The following RAG1 variants were observed in gnomAD, a reference collection of about 807,000 sequenced individuals.
RAG1 encodes V(D)J recombination-activating protein 1.
In RAG1, 35 loss-of-function variants were observed where a neutral mutation model predicts 62.7. The ratio of observed to expected loss-of-function variants is 0.56; its 90% CI spans 0.43 to 0.74. The LOEUF (loss-of-function observed/expected upper bound fraction) is 0.74. Ranked by LOEUF, RAG1 falls within the 30% of genes least tolerant of loss-of-function variation. The pLI is 0.00. For missense variants in RAG1, 1,169 were observed against 1,278.6 expected (o/e 0.91, Z 1.31); for synonymous variants, 461 against 470.3 (o/e 0.98, Z 0.26).
At chr11:36,557,386 G>A (rs1426993668) in intron 3 of RAG1, among the ~76,000 whole-genome samples, 10 of 131,960 alleles carry the variant, frequency 7.6e-5, no homozygotes, top group African/African-American at 1.9e-4. Flanking sequence ...AGGTGCGTCC[G>A]TCACCCCTTT....
In RAG1 at chr11:36,573,788, G is replaced by A. The variant is rs1159713387; in HGVS notation, c.484G>A (p.Asp162Asn). The A allele has an allele frequency of 1.5e-5, 25 of 1,614,068 alleles. No individual in the cohort carries two copies. The highest frequency in any genetic ancestry group is 2.2e-5 in the East Asian group (1 of 44,864). The change falls in exon 2 of 2, where the codon GAT becomes AAT. Residue 162 changes from aspartate to asparagine, a missense_variant. Physicochemically the swap from Asp to Asn is conservative, Grantham distance 23. Coordinates refer to ENST00000299440, the MANE Select transcript of RAG1 (RefSeq NM_000448.3). ...CCTCATTGCCAAGGTTTTCCGGATCGATGTGAAGGCAGATGTTGACTCGAT... is the reference window on the plus strand; with the variant it reads ...CCTCATTGCCAAGGTTTTCCGGATCAATGTGAAGGCAGATGTTGACTCGAT... ...PDLIAKVFRI[D>N]VKADVDSIHP...
chr11:36,512,590 T>G (rs1220437476), intron 1 of RAG1, among the ~76,000 whole-genome samples: 1 of 152,200 alleles, frequency 6.6e-6, no homozygotes, highest in Non-Finnish European at 1.5e-5. Context: ...ATGAAATCTA[T>G]CCTGTCTTCT....
At chr11:36,566,215 T>G (rs1402511852), upstream of RAG1, among the ~76,000 whole-genome samples, 1 of 152,128 alleles carries the variant, frequency 6.6e-6, no homozygotes, top group African/African-American at 2.4e-5. Flanking sequence ...TATAAATTAT[T>G]GACCTCAGAG....
chr11:36,541,644 C>T (rs1860419455), intron 3 of RAG1, among the ~76,000 whole-genome samples: 1 of 152,102 alleles, frequency 6.6e-6, no homozygotes, highest in South Asian at 2.1e-4. Flanking sequence ...GCTTGGATAG[C>T]CGATGCCTGC....
chr11:36,536,387 T>C (rs1422398496), downstream of RAG1, among the ~76,000 whole-genome samples: 1 of 152,154 alleles, frequency 6.6e-6, no homozygotes, highest in Non-Finnish European at 1.5e-5. Flanking sequence ...TTTATTGCTC[T>C]TTTATTTATA....
chr11:36,561,445 T>G (rs1463460713), intron 3 of RAG1, among the ~76,000 whole-genome samples: 1 of 152,178 alleles, frequency 6.6e-6, no homozygotes, highest in African/African-American at 2.4e-5. Flanking sequence ...TACTCCAGAT[T>G]TGTTTATTAA....
chr11:36,572,793 T>C (rs1375852447), intron 1 of RAG1, among the ~76,000 whole-genome samples: 1 of 152,158 alleles, frequency 6.6e-6, no homozygotes, highest in Admixed American at 6.5e-5. Context: ...TTATGACCCA[T>C]TTGGAAGAAA....
In RAG1 at chr11:36,512,543, T is replaced by C. The variant is rs5030407; in HGVS notation, n.330+1505T>C. ...TCCTGCTTCTGACTCTCATTGAAAT[T>C]GGGACCTGGTCAGATGTCCTTATCT... On this transcript the variant is annotated intron_variant and non_coding_transcript_variant, in intron 1 of 2. Transcript: ENST00000529126. 9.2e-5 allele frequency among the ~76,000 whole-genome samples: 14 copies of C among 152,344 alleles called. No individual in the cohort carries two copies. The South Asian group carries it at 2.7e-3, about 29-fold the overall frequency.
chr11:36,513,419 A>T (rs1859953848), intron 1 of RAG1, among the ~76,000 whole-genome samples: 1 of 152,234 alleles, frequency 6.6e-6, no homozygotes. Context: ...AACATTTGGA[A>T]ATAAGATGGC....
rs143142280 is a variant in RAG1, at chr11:36,560,576, A to G, written c.-411-2809A>G. Among the ~76,000 whole-genome samples, 1,148 of 152,248 alleles carry G rather than the reference A, an allele frequency of 7.5e-3. 15 individuals are homozygous for G. The highest frequency in any genetic ancestry group is 0.026 in the African/African-American group (1,076 of 41,534). On this transcript the variant is annotated intron_variant and NMD_transcript_variant, in intron 3 of 9. Coordinates refer to the RAG1 transcript ENST00000534663. ...TGCTCTCAGCATGATGCAGTTCCATAGTAGCTTGGGTCCTGGGGAGGGAAG... is the reference window on the plus strand; with the variant it reads ...TGCTCTCAGCATGATGCAGTTCCATGGTAGCTTGGGTCCTGGGGAGGGAAG...
At chr11:36,537,497 A>T (rs1860350428), downstream of RAG1, among the ~76,000 whole-genome samples, 1 of 152,212 alleles carries the variant, frequency 6.6e-6, no homozygotes, top group African/African-American at 2.4e-5. Flanking sequence ...AAACAGAAGA[A>T]ATCAAATAAA....
chr11:36,535,572 T>G (rs1267298776), intron 2 of RAG1, among the ~76,000 whole-genome samples: 2 of 152,036 alleles, frequency 1.3e-5, no homozygotes, highest in Non-Finnish European at 2.9e-5. Context: ...GGTGAAACTT[T>G]GTCTTTACTA....
chr11:36,524,581 C>G (rs1313250169), intron 2 of RAG1, among the ~76,000 whole-genome samples: 6 of 151,832 alleles, frequency 4.0e-5, no homozygotes, highest in South Asian at 2.1e-4. Flanking sequence ...TCCACCTTCC[C>G]TCGCTCAGGT....
At chr11:36,558,219 T>C (rs1448308126) in intron 3 of RAG1, among the ~76,000 whole-genome samples, 1 of 152,234 alleles carries the variant, frequency 6.6e-6, no homozygotes, top group Admixed American at 6.5e-5. Context: ...GAATGTTTCA[T>C]GTGCTGATGA....
downstream of RAG1, among the ~76,000 whole-genome samples, chr11:36,536,205 T>C (rs964970525): frequency 2.6e-5 from 4 of 152,198 alleles, no homozygotes; most frequent in Non-Finnish European, 5.9e-5. Context: ...AATGAAGTAC[T>C]ATTAGTTAAA....
At chr11:36,513,700 C>T (rs1229370528) in intron 1 of RAG1, among the ~76,000 whole-genome samples, 1 of 152,188 alleles carries the variant, frequency 6.6e-6, no homozygotes, top group Non-Finnish European at 1.5e-5. Flanking sequence ...GGAAGCCTCA[C>T]AATCATGGTG....
At chr11:36,565,452 G>T (rs890404906), upstream of RAG1, among the ~76,000 whole-genome samples, 5 of 152,176 alleles carry the variant, frequency 3.3e-5, no homozygotes, top group Non-Finnish European at 7.3e-5. Context: ...CCAGTGAAGG[G>T]CCTGTCGGCA....
At chr11:36,551,638 G>T (rs1850486042) in intron 3 of RAG1, among the ~76,000 whole-genome samples, 1 of 138,132 alleles carries the variant, frequency 7.2e-6, no homozygotes, top group Non-Finnish European at 1.5e-5. Context: ...CTAAGTTTTA[G>T]GGTACATGTG....
intron 2 of RAG1, among the ~76,000 whole-genome samples, chr11:36,532,721 C>A (rs112836795): frequency 6.6e-6 from 1 of 152,292 alleles, no homozygotes; most frequent in Non-Finnish European, 1.5e-5. Context: ...GCCTGCCCTT[C>A]AGTCACTTAG....
Sources: gnomAD v4.1 joint callset for allele counts (sites outside exome capture counted in the v4.1 genomes callset) on GRCh38, gnomAD v4.1.1 for gene constraint, MANE v1.5 for transcripts, NCBI Gene and HGNC (gene_info 2026-07-23, HGNC 2026-07-21) for gene names.